The following ADGRL3 variants were observed in gnomAD, a reference collection of about 807,000 sequenced individuals.
ADGRL3 encodes the protein adhesion G protein-coupled receptor L3, also known as calcium-independent alpha-latrotoxin receptor 3.
A neutral mutation model predicts 153.5 loss-of-function variants in ADGRL3; 62 were observed. The ratio of observed to expected loss-of-function variants is 0.40; its 90% CI spans 0.33 to 0.50. ADGRL3 has a LOEUF of 0.50. Among genes scored for constraint, ADGRL3 ranks in the 20% least tolerant of loss-of-function variants. ADGRL3 has a pLI of 0.47. For missense variants in ADGRL3, 1,641 were observed against 1,859.4 expected (o/e 0.88, Z 2.16); for synonymous variants, 710 against 672.5 (o/e 1.06, Z -0.86).
At chr4:61,339,329 A>G (rs4146017) in intron 1 of ADGRL3, among the ~76,000 whole-genome samples, 73,736 of 152,066 alleles carry the variant, frequency 0.48, 19,661 homozygotes, top group East Asian at 0.68. Flanking sequence ...ACAATCTGCA[A>G]ATTTGGTGAT....
intron 3 of ADGRL3, among the ~76,000 whole-genome samples, chr4:61,497,911 C>CT (rs1291166426): frequency 6.6e-6 from 1 of 151,996 alleles, no homozygotes; most frequent in East Asian, 1.9e-4. Flanking sequence ...AACCAAAAGG[C>CT]TTTTTAAAAA....
intron 5 of ADGRL3, among the ~76,000 whole-genome samples, chr4:61,629,538 A>C (rs1207827305): frequency 1.3e-5 from 2 of 151,088 alleles, no homozygotes; most frequent in Non-Finnish European, 3.0e-5. Context: ...CCAACATGGT[A>C]AAATCCCCTC....
intron 6 of ADGRL3, among the ~76,000 whole-genome samples, chr4:61,688,560 C>T (rs531980513): frequency 6.6e-6 from 1 of 152,198 alleles, no homozygotes; most frequent in African/African-American, 2.4e-5. Flanking sequence ...ATTAGAAATG[C>T]TCAGTCTCTC....
intron 1 of ADGRL3, among the ~76,000 whole-genome samples, chr4:61,290,188 T>C (rs867083728): frequency 3.9e-5 from 6 of 152,092 alleles, no homozygotes; most frequent in Non-Finnish European, 7.4e-5. Context: ...TTATGTTGAT[T>C]AGTACCACAT....
chr4:61,647,799 A>G (rs568657349), intron 5 of ADGRL3, among the ~76,000 whole-genome samples: 7 of 152,168 alleles, frequency 4.6e-5, no homozygotes, highest in Non-Finnish European at 8.8e-5. Flanking sequence ...AATAGAAAAC[A>G]TGCATTTATT....
At chr4:61,830,236 T>A (rs545655472) in intron 9 of ADGRL3, among the ~76,000 whole-genome samples, 1 of 152,190 alleles carries the variant, frequency 6.6e-6, no homozygotes, top group African/African-American at 2.4e-5. Flanking sequence ...CAAAAATTTC[T>A]TTAAAATTAG....
chr4:61,290,141 A>G (rs751885943), intron 1 of ADGRL3, among the ~76,000 whole-genome samples: 9 of 152,094 alleles, frequency 5.9e-5, no homozygotes, highest in Non-Finnish European at 8.8e-5. Flanking sequence ...AGCTTTGAAC[A>G]TATACTAGGC....
chr4:61,951,776 G>A (rs569703490), intron 17 of ADGRL3, among the ~76,000 whole-genome samples: 1 of 152,170 alleles, frequency 6.6e-6, no homozygotes, highest in East Asian at 1.9e-4. Flanking sequence ...GTGGTGGGAG[G>A]ATCACTTGAG....
intron 6 of ADGRL3, among the ~76,000 whole-genome samples, chr4:61,725,627 AC>A (rs1561129460): frequency 1.2e-4 from 18 of 151,908 alleles, no homozygotes; most frequent in Admixed American, 1.1e-3. Flanking sequence ...ACAAAAAAAA[AC>A]AAAAGTCTAC....
At chr4:61,870,591 C>T (rs1414942393) in intron 9 of ADGRL3, among the ~76,000 whole-genome samples, 1 of 139,860 alleles carries the variant, frequency 7.2e-6, no homozygotes, top group Admixed American at 7.4e-5. Context: ...ATAAAGAATC[C>T]TTACAACTCC....
intron 1 of ADGRL3, among the ~76,000 whole-genome samples, chr4:61,224,079 C>G (rs1222680445): frequency 1.3e-5 from 2 of 151,592 alleles, no homozygotes; most frequent in Non-Finnish European, 2.9e-5. Flanking sequence ...AAAAATAATA[C>G]TTAAATTTTT....
chr4:61,850,455 T>G (rs1464393256), intron 9 of ADGRL3, among the ~76,000 whole-genome samples: 1 of 152,166 alleles, frequency 6.6e-6, no homozygotes, highest in Non-Finnish European at 1.5e-5. Flanking sequence ...GATATCAGAC[T>G]TTCACTTCTC....
intron 5 of ADGRL3, among the ~76,000 whole-genome samples, chr4:61,589,031 A>G (rs2098958254): frequency 6.6e-6 from 1 of 152,102 alleles, no homozygotes; most frequent in African/African-American, 2.4e-5. Flanking sequence ...TATTATTAAC[A>G]GCTCCAAAAA....
chr4:61,917,132 C>T (rs2098748680), intron 13 of ADGRL3, among the ~76,000 whole-genome samples: 1 of 152,078 alleles, frequency 6.6e-6, no homozygotes, highest in African/African-American at 2.4e-5. Context: ...AAATGACTTT[C>T]ACAAGATCAC....
At chr4:61,383,452 G>A (rs1349335403) in intron 2 of ADGRL3, among the ~76,000 whole-genome samples, 1 of 151,638 alleles carries the variant, frequency 6.6e-6, no homozygotes, top group East Asian at 1.9e-4. Context: ...ATATACTCCA[G>A]TTATATGAAA....
chr4:61,434,506 A>T (rs558480399), intron 2 of ADGRL3, among the ~76,000 whole-genome samples: 1 of 152,252 alleles, frequency 6.6e-6, no homozygotes, highest in African/African-American at 2.4e-5. Flanking sequence ...GCTAAAAATG[A>T]AATGATATTT....
chr4:61,958,272 T>C (rs1288630625), intron 17 of ADGRL3, among the ~76,000 whole-genome samples: 1 of 152,206 alleles, frequency 6.6e-6, no homozygotes, highest in Non-Finnish European at 1.5e-5. Flanking sequence ...AAAACCATGT[T>C]ATATGGTATA....
chr4:61,348,121 G>A (rs1051607699), intron 1 of ADGRL3, among the ~76,000 whole-genome samples: 3 of 151,852 alleles, frequency 2.0e-5, no homozygotes, highest in Admixed American at 2.0e-4. Context: ...AAAATAAAAC[G>A]TAGATTACCA....
chr4:61,492,020 A>AAAAC (rs10667912), intron 2 of ADGRL3, among the ~76,000 whole-genome samples: 139,285 of 150,652 alleles, frequency 0.92, 65,002 homozygotes, highest in East Asian at 0.99. Context: ...AACAATGAAA[A>AAAAC]AAACAAACAA....
Sources: gnomAD v4.1 joint callset for allele counts (sites outside exome capture counted in the v4.1 genomes callset) on GRCh38, gnomAD v4.1.1 for gene constraint, MANE v1.5 for transcripts, NCBI Gene and HGNC (gene_info 2026-07-23, HGNC 2026-07-21) for gene names.